Variants in ACTA2 observed in about 807,000 individuals in gnomAD.
The protein encoded by ACTA2 is actin, aortic smooth muscle.
In ACTA2, 12 loss-of-function variants were observed where a neutral mutation model predicts 39.5. The ratio of observed to expected loss-of-function variants is 0.30; its 90% CI spans 0.19 to 0.49. The LOEUF is 0.49. Ranked by LOEUF, ACTA2 falls within the 20% of genes least tolerant of loss-of-function variation. The probability of loss-of-function intolerance (pLI) is 0.99; values close to 1 mark genes in which losing one functional copy is unlikely to be tolerated. For synonymous variants in ACTA2, 158 were observed against 180.6 expected, an observed-to-expected ratio of 0.88 and a Z score of 1.00; for missense variants, 236 against 498.8, an observed-to-expected ratio of 0.47 and a Z score of 5.02.
chr10:88,971,855 A>T (rs924474819), intron 1 of ACTA2, among the ~76,000 whole-genome samples: 1 of 151,856 alleles, frequency 6.6e-6, no homozygotes, highest in African/African-American at 2.4e-5. Context: ...CTAACAGTTT[A>T]TTTAAGCCAA....
intron 1 of ACTA2, among the ~76,000 whole-genome samples, chr10:88,981,054 G>A (rs1379466937): frequency 1.3e-5 from 2 of 152,144 alleles, no homozygotes; most frequent in African/African-American, 4.8e-5. Context: ...GTAGGAACAG[G>A]GCATGGGGAG....
At chr10:88,958,188 C>T (rs78176775) in intron 1 of ACTA2, among the ~76,000 whole-genome samples, 3,054 of 152,308 alleles carry the variant, frequency 0.02, 52 homozygotes, top group South Asian at 0.085. Context: ...TGTTTGAAGG[C>T]AGACTAAATT....
intron 1 of ACTA2, among the ~76,000 whole-genome samples, chr10:88,986,806 G>A (rs1246183435): frequency 6.6e-6 from 1 of 152,172 alleles, no homozygotes; most frequent in East Asian, 1.9e-4. Flanking sequence ...AAAAGTGGTT[G>A]TAAGCCATTT....
upstream of ACTA2, among the ~76,000 whole-genome samples, chr10:88,957,119 A>G (rs1219642584): frequency 6.6e-6 from 1 of 152,214 alleles, no homozygotes; most frequent in Non-Finnish European, 1.5e-5. Context: ...GTCTTATCTT[A>G]GGAAAGGGAT....
At chr10:88,989,388 G>T in intron 1 of ACTA2, 7 of 386,904 alleles carry the variant, frequency 1.8e-5, no homozygotes, top group East Asian at 6.8e-5. Flanking sequence ...ATAGTTTTAG[G>T]ATTTCAAAAA....
At chr10:88,950,947 TCCAGAA>T (rs1441774593) in intron 1 of ACTA2, among the ~76,000 whole-genome samples, 1 of 152,244 alleles carries the variant, frequency 6.6e-6, no homozygotes, top group African/African-American at 2.4e-5. Flanking sequence ...ATTTTCATTA[TCCAGAA>T]CTCTTTGTTT....
At chr10:88,946,809 T>C (rs1434161670) in intron 3 of ACTA2, 1 of 159,690 alleles carries the variant, frequency 6.3e-6, no homozygotes, top group Non-Finnish European at 1.4e-5. Flanking sequence ...TTGTTACATA[T>C]GTATACATGT....
chr10:88,982,420 GT>G (rs1470109031), intron 1 of ACTA2, among the ~76,000 whole-genome samples: 3 of 151,668 alleles, frequency 2.0e-5, no homozygotes, highest in Middle Eastern at 3.4e-3. Flanking sequence ...GCTTAAATGT[GT>G]TTTTTTCTTT....
At chr10:88,956,190 C>T (rs1177864796), upstream of ACTA2, among the ~76,000 whole-genome samples, 3 of 152,196 alleles carry the variant, frequency 2.0e-5, no homozygotes, top group Non-Finnish European at 4.4e-5. Flanking sequence ...TTATGAAAAA[C>T]TTACTGGCCT....
At chr10:88,977,445 C>G (rs895172970) in intron 1 of ACTA2, among the ~76,000 whole-genome samples, 1 of 151,782 alleles carries the variant, frequency 6.6e-6, no homozygotes, top group Non-Finnish European at 1.5e-5. Flanking sequence ...GCTTGTTTTT[C>G]TCAGGTTTGT....
At chr10:88,982,419 T>C (rs1846732153) in intron 1 of ACTA2, among the ~76,000 whole-genome samples, 1 of 152,130 alleles carries the variant, frequency 6.6e-6, no homozygotes, top group African/African-American at 2.4e-5. Flanking sequence ...AGCTTAAATG[T>C]GTTTTTTTCT....
In ACTA2 at chr10:88,981,457, C is replaced by A. The variant is rs921855513; in HGVS notation, c.-24+9482G>T. ...TTTATACTTTTTAACTATATTCACACCAGGAAAAGTTGATAGTAAATTTCA... is the reference window on the plus strand; with the variant it reads ...TTTATACTTTTTAACTATATTCACAACAGGAAAAGTTGATAGTAAATTTCA... On this transcript the variant is annotated intron_variant, in intron 1 of 4. Transcript: ENST00000415557. Among the ~76,000 whole-genome samples, 12 of 151,682 alleles carry A rather than the reference C, an allele frequency of 7.9e-5. No individual in the cohort carries two copies. The South Asian group carries it at 1.7e-3, about 21-fold the overall frequency.
intron 2 of ACTA2, 59 bp downstream of exon 2, chr10:88,948,743 C>T: frequency 1.2e-6 from 2 of 1,610,070 alleles, no homozygotes; most frequent in Middle Eastern, 1.7e-4. Context: ...TGGGGATAAA[C>T]ATGAACACAG....
At chr10:88,953,126 ATT>A (rs745639069), upstream of ACTA2, among the ~76,000 whole-genome samples, 8 of 152,236 alleles carry the variant, frequency 5.3e-5, no homozygotes, top group Non-Finnish European at 8.8e-5. Context: ...TCATGCTGGA[ATT>A]TCAGGCCATT....
At position 88,982,428 on chromosome 10, in the gene ACTA2, C is replaced by CT. The variant is rs951815486; in HGVS notation, c.-24+8510dup. On this transcript the variant is annotated intron_variant, in intron 1 of 4. Coordinates refer to the ACTA2 transcript ENST00000415557. ...TCACCGAGCTTAAATGTGTTTTTTT[C>CT]TTTTTTTTTTTGAAATGAGGAAAGG... is the stretch of plus-strand genomic sequence containing the variant. Among the ~76,000 whole-genome samples, 554 of 144,692 alleles carry CT rather than the reference C, an allele frequency of 3.8e-3. 2 individuals are homozygous for CT. Among genetic ancestry groups the CT allele is most frequent in the East Asian group, 0.023 (114 of 5,034 alleles). The allele number at this position is 144,692 out of a possible 152,430, so 94.9% of individuals were successfully genotyped here. A position where few individuals can be genotyped will look rare whatever the true frequency, so the allele number is the denominator to read the frequency against.
rs149059995 is a variant in ACTA2, at chr10:88,935,118, C to T, written c.*105G>A. 63 of 1,505,128 alleles carry T rather than the reference C, an allele frequency of 4.2e-5. No homozygotes were observed. Among genetic ancestry groups the T allele is most frequent in the African/African-American group, 8.3e-5 (6 of 72,378 alleles). The allele number at this position is 1,505,128 out of a possible 1,614,324, so 93.2% of individuals were successfully genotyped here. On this transcript the variant is annotated 3_prime_UTR_variant, in exon 9 of 9. Transcript: ENST00000224784. ...GATTTATTAAAAAACACATAGGTAA[C>T]GAGTCAGAGCTTTGGCTAGGAATGA...
intron 4 of ACTA2, among the ~76,000 whole-genome samples, chr10:88,943,341 T>C (rs1404326589): frequency 6.6e-6 from 1 of 152,126 alleles, no homozygotes; most frequent in Non-Finnish European, 1.5e-5. Context: ...CATCAATCCT[T>C]GGAAAAATGA....
chr10:88,970,182 C>A (rs889819022), intron 1 of ACTA2, among the ~76,000 whole-genome samples: 1 of 152,056 alleles, frequency 6.6e-6, no homozygotes, highest in Non-Finnish European at 1.5e-5. Flanking sequence ...ATCAAGGCAC[C>A]TACCAACTTT....
intron 1 of ACTA2, chr10:88,989,337 C>T: frequency 5.3e-5 from 16 of 299,642 alleles, no homozygotes; most frequent in South Asian, 1.4e-4. Flanking sequence ...TTCCTTCCTT[C>T]TTTTTACATT....
Sources: gnomAD v4.1 joint callset for allele counts (sites outside exome capture counted in the v4.1 genomes callset) on GRCh38, gnomAD v4.1.1 for gene constraint, MANE v1.5 for transcripts, NCBI Gene and HGNC (gene_info 2026-07-23, HGNC 2026-07-21) for gene names.